The following KCNIP3 variants were observed in gnomAD, a reference collection of about 807,000 sequenced individuals.
KCNIP3 encodes potassium voltage-gated channel interacting protein 3.
A neutral mutation model predicts 35.0 loss-of-function variants in KCNIP3; 28 were observed. The ratio of observed to expected loss-of-function variants is 0.80; its 90% CI spans 0.59 to 1.10. The LOEUF (loss-of-function observed/expected upper bound fraction) is 1.10. KCNIP3 is among the 50% of genes least tolerant of loss of function. The pLI is 0.00. For missense variants in KCNIP3, 295 were observed against 338.4 expected, an observed-to-expected ratio of 0.87 and a Z score of 1.01; for synonymous variants, 134 against 133.8, an observed-to-expected ratio of 1.00 and a Z score of -0.01.
In KCNIP3 at chr2:95,378,971, C is replaced by T. The variant is rs866877090; in HGVS notation, c.448-2625C>T. 6.6e-5 allele frequency among the ~76,000 whole-genome samples: 10 copies of T among 152,040 alleles called. No individual in the cohort carries two copies. The highest frequency in any genetic ancestry group is 1.3e-4 in the Admixed American group (2 of 15,262). On this transcript the variant is annotated intron_variant, in intron 5 of 8. Transcript: ENST00000295225. This position sits in a 1 kb window ranked among gnomAD's most constrained non-coding sequence, Gnocchi z 4.0. ...GAGTCCAACACATTCGCAGGGTGCA[C>T]GTTGGAAAACCAGCAGGTGACCACC...
intron 1 of KCNIP3, among the ~76,000 whole-genome samples, chr2:95,302,874 C>G (rs1446573268): frequency 6.6e-6 from 1 of 152,212 alleles, no homozygotes; most frequent in East Asian, 1.9e-4. Flanking sequence ...GTGGCACATA[C>G]GAAGCCACTC....
chr2:95,365,687 G>A (rs762472816), intron 2 of KCNIP3, among the ~76,000 whole-genome samples: 31 of 152,196 alleles, frequency 2.0e-4, no homozygotes, highest in Non-Finnish European at 3.8e-4. Context: ...TGGAGTTTCT[G>A]TCTTATTTTG....
chr2:95,335,515 GT>G (rs1416385707), intron 2 of KCNIP3, among the ~76,000 whole-genome samples: 1 of 152,014 alleles, frequency 6.6e-6, no homozygotes, highest in African/African-American at 2.4e-5. Flanking sequence ...TGCTTTTAAG[GT>G]TTTCTCTTTA....
intron 2 of KCNIP3, among the ~76,000 whole-genome samples, chr2:95,336,034 G>A (rs1001973314): frequency 1.3e-5 from 2 of 152,014 alleles, no homozygotes; most frequent in Non-Finnish European, 2.9e-5. Context: ...CTTGTCTCTT[G>A]CCATGTCTTA....
intron 2 of KCNIP3, among the ~76,000 whole-genome samples, chr2:95,346,454 G>A (rs1318751104): frequency 6.6e-6 from 1 of 150,664 alleles, no homozygotes; most frequent in Admixed American, 6.6e-5. Flanking sequence ...GGGCGGGGCG[G>A]GGCCGGCTCC....
intron 2 of KCNIP3, among the ~76,000 whole-genome samples, chr2:95,316,789 C>T (rs1236732890): frequency 6.6e-6 from 1 of 152,192 alleles, no homozygotes; most frequent in Non-Finnish European, 1.5e-5. Context: ...GCATCTGAAC[C>T]CTGCTGGTGA....
chr2:95,300,834 C>T (rs1020607734), intron 1 of KCNIP3, among the ~76,000 whole-genome samples: 1 of 152,242 alleles, frequency 6.6e-6, no homozygotes, highest in African/African-American at 2.4e-5. Flanking sequence ...GCCTCCCCCT[C>T]TGACCTGCCA....
rs758464674 is a variant in KCNIP3, at chr2:95,310,522, T to C, written c.181+2T>C. On this transcript the variant is annotated splice_donor_variant, in intron 2 of 8. Coordinates refer to ENST00000295225, the MANE Select transcript of KCNIP3 (RefSeq NM_013434.5). LOFTEE classifies it high-confidence loss of function. The stretch of plus-strand genomic sequence containing the variant: ...CCAGCACAGCCCCACAGGGCTCAGG[T>C]AGGGGCCAGGGTGGGCTGTGGTCAA... 6.3e-7 allele frequency: 1 copy of C among 1,578,272 alleles called. No homozygotes were observed. The highest frequency in any genetic ancestry group is 8.6e-7 in the Non-Finnish European group (1 of 1,164,308).
chr2:95,339,996 GGGAAAAGAGA>G (rs1679153374), intron 2 of KCNIP3, among the ~76,000 whole-genome samples: 1 of 152,056 alleles, frequency 6.6e-6, no homozygotes, highest in Non-Finnish European at 1.5e-5. Flanking sequence ...TCCAGCCAGT[GGGAAAAGAGA>G]AGAGAGAACA....
chr2:95,379,801 G>T (rs1029996118), intron 5 of KCNIP3, among the ~76,000 whole-genome samples: 1 of 152,170 alleles, frequency 6.6e-6, no homozygotes, highest in African/African-American at 2.4e-5. Flanking sequence ...GATGGGTCCC[G>T]ATTTTGCTTT....
At chr2:95,319,730 A>C (rs908047136) in intron 2 of KCNIP3, among the ~76,000 whole-genome samples, 2 of 152,106 alleles carry the variant, frequency 1.3e-5, no homozygotes, top group Admixed American at 1.3e-4. Context: ...TATCGTCTGG[A>C]GCTCCGGGCG....
intron 2 of KCNIP3, among the ~76,000 whole-genome samples, chr2:95,330,293 G>A (rs1483423625): frequency 6.6e-6 from 1 of 152,186 alleles, no homozygotes; most frequent in Non-Finnish European, 1.5e-5. Flanking sequence ...CCAAGGGCTG[G>A]GGGTGGAGGT....
At chr2:95,362,134 T>A (rs1679813778) in intron 2 of KCNIP3, among the ~76,000 whole-genome samples, 1 of 149,658 alleles carries the variant, frequency 6.7e-6, no homozygotes, top group Admixed American at 6.7e-5. Flanking sequence ...TGAGATGGAG[T>A]CTTGCTCTGT....
chr2:95,365,486 A>G (rs1215321802), intron 2 of KCNIP3, among the ~76,000 whole-genome samples: 1 of 152,158 alleles, frequency 6.6e-6, no homozygotes, highest in Non-Finnish European at 1.5e-5. Flanking sequence ...TTAAATCAAA[A>G]TTACAATATT....
intron 7 of KCNIP3, 105 bp from the exon 8 acceptor site, chr2:95,383,127 A>ACCCC: frequency 4.0e-6 from 1 of 247,704 alleles, no homozygotes; most frequent in Admixed American, 5.4e-5. Context: ...CCGCCCATCC[A>ACCCC]CCCACCCGCC....
chr2:95,372,444 G>C (rs1489186703), intron 2 of KCNIP3, among the ~76,000 whole-genome samples: 2 of 152,156 alleles, frequency 1.3e-5, no homozygotes, highest in Non-Finnish European at 2.9e-5. Context: ...TGGTTTACAG[G>C]GTTTGCCTAT....
At chr2:95,346,152 G>T (rs1270196190) in intron 2 of KCNIP3, among the ~76,000 whole-genome samples, 5 of 152,206 alleles carry the variant, frequency 3.3e-5, no homozygotes, top group Non-Finnish European at 7.3e-5. Flanking sequence ...GCCAGCCTGG[G>T]CCCAGTTTAA....
intron 2 of KCNIP3, among the ~76,000 whole-genome samples, chr2:95,328,365 ACTGT>A (rs542609726): frequency 2.0e-5 from 3 of 152,148 alleles, no homozygotes; most frequent in Non-Finnish European, 4.4e-5. Context: ...TGCTCCACAC[ACTGT>A]CTGAGCCACA....
intron 2 of KCNIP3, among the ~76,000 whole-genome samples, chr2:95,315,513 C>T (rs1464062354): frequency 1.3e-5 from 2 of 152,240 alleles, no homozygotes; most frequent in African/African-American, 2.4e-5. Context: ...AGCCCTTACT[C>T]CCCCGATCCT....
Sources: allele counts gnomAD v4.1 joint callset (sites outside exome capture counted in the v4.1 genomes callset), GRCh38; gene constraint gnomAD v4.1.1; non-coding constraint Gnocchi (gnomAD v3.1); transcripts MANE v1.5; gene names NCBI Gene and HGNC (gene_info 2026-07-23, HGNC 2026-07-21).